MTCL1: variants seen among roughly 807,000 people sequenced by gnomAD.
MTCL1 encodes the protein microtubule cross-linking factor 1.
A neutral mutation model predicts 141.4 loss-of-function variants in MTCL1; 79 were observed. That is an observed-to-expected ratio of 0.56 (90% confidence interval 0.47 to 0.67). The LOEUF is 0.67. Among genes scored for constraint, MTCL1 ranks in the 30% least tolerant of loss-of-function variants. MTCL1 has a pLI of 0.00. For synonymous variants in MTCL1, 914 were observed against 875.8 expected, an observed-to-expected ratio of 1.04 and a Z score of -0.77; for missense variants, 2,177 against 2,113.9, an observed-to-expected ratio of 1.03 and a Z score of -0.59.
chr18:8,708,840 C>G (rs2148747977), intron 1 of MTCL1, among the ~76,000 whole-genome samples: 1 of 152,328 alleles, frequency 6.6e-6, no homozygotes, highest in South Asian at 2.1e-4. Flanking sequence ...GTGTCACTTG[C>G]ATCCGTTTAC....
exon 3 of MTCL1, chr18:8,718,488 T>C: frequency 6.2e-7 from 1 of 1,614,142 alleles, no homozygotes; most frequent in South Asian, 1.1e-5. Context: ...GAGGAAGATG[T>C]TTACCAGCTG....
chr18:8,824,351 T>C (rs1158153159), intron 14 of MTCL1, among the ~76,000 whole-genome samples: 1 of 152,218 alleles, frequency 6.6e-6, no homozygotes, highest in Non-Finnish European at 1.5e-5. Flanking sequence ...CCTTCAGCTG[T>C]GGTCCGAGTG....
intron 11 of MTCL1, among the ~76,000 whole-genome samples, chr18:8,807,417 G>T (rs899484268): frequency 2.6e-5 from 4 of 152,206 alleles, no homozygotes; most frequent in African/African-American, 9.6e-5. Flanking sequence ...GCAGACTGTG[G>T]TTTAGTTGTC....
chr18:8,779,676 C>T lies in MTCL1; in HGVS notation c.417+1784C>T, dbSNP rs2096526297. Among the ~76,000 whole-genome samples, 1 of 152,132 alleles carries T rather than the reference C, an allele frequency of 6.6e-6. No homozygotes were observed. The highest frequency in any genetic ancestry group is 6.5e-5 in the Admixed American group (1 of 15,282). On this transcript the variant is annotated intron_variant, in intron 5 of 16. Transcript: ENST00000359865. The surrounding 1 kb of genome is among the most constrained non-coding windows in gnomAD (Gnocchi z 4.1). ...GACTCCTTCATTTAATATACACTCT[C>T]CCATGGCTTCCAGGACAGTCTTTCT...
intron 14 of MTCL1, among the ~76,000 whole-genome samples, chr18:8,821,704 A>T (rs2076851713): frequency 6.6e-6 from 1 of 152,188 alleles, no homozygotes; most frequent in South Asian, 2.1e-4. Context: ...GCTGTGTCAC[A>T]TGTGTATGAG....
rs2076973628 is a variant in MTCL1 at position 8,825,088 on chromosome 18, TA to T, written c.3579del (p.Leu1193PhefsTer88). On this transcript the variant is annotated frameshift_variant, in exon 15 of 17. Coordinates refer to ENST00000359865, the Ensembl canonical transcript of MTCL1. LOFTEE classifies it high-confidence loss of function. ...ACCGAGCAGTCGGGGTTGCGCGTGT[TA>T]CACAGCCCGCCTGCCGTGCGCAGGG... The T allele has an allele frequency of 6.2e-7, 1 of 1,609,194 alleles. No individual in the cohort carries two copies. The highest frequency in any genetic ancestry group is 1.3e-5 in the African/African-American group (1 of 74,862).
At chr18:8,800,912 T>TTAA (rs1555665020) in intron 10 of MTCL1, 1 of 145,826 alleles carries the variant, frequency 6.9e-6, no homozygotes, top group African/African-American at 2.5e-5. Context: ...AACAACTAAG[T>TTAA]AAAAAAAAAA....
rs370219090 is a variant in MTCL1, at chr18:8,731,634, C to G, written c.357+11138C>G. Among the ~76,000 whole-genome samples the G allele has an allele frequency of 9.8e-5, 15 of 152,286 alleles. No homozygotes were observed. In the East Asian group the frequency reaches 1.5e-3, roughly 16 times the overall value. On this transcript the variant is annotated intron_variant, in intron 4 of 16. Coordinates refer to ENST00000359865, the Ensembl canonical transcript of MTCL1. ...CATATTTCTGAATAATTTAGACTTT[C>G]ACTAGGCAGTAAACTGCATCAAATT...
intron 11 of MTCL1, among the ~76,000 whole-genome samples, chr18:8,808,183 G>T (rs113475335): frequency 6.6e-6 from 1 of 152,158 alleles, no homozygotes; most frequent in Admixed American, 6.5e-5. Context: ...CCTGCCTGCT[G>T]CCCGCGGGGG....
At chr18:8,774,933 A>G (rs2096499898) in intron 4 of MTCL1, among the ~76,000 whole-genome samples, 1 of 152,096 alleles carries the variant, frequency 6.6e-6, no homozygotes, top group African/African-American at 2.4e-5. Context: ...TCAGGGCTAC[A>G]GTTGACAGCC....
At chr18:8,814,690 T>G (rs1161215245) in intron 12 of MTCL1, among the ~76,000 whole-genome samples, 1 of 152,186 alleles carries the variant, frequency 6.6e-6, no homozygotes, top group African/African-American at 2.4e-5. Context: ...TCTTGGCCCG[T>G]GCTCTAGGGC....
At chr18:8,756,519 G>A (rs1234726361) in intron 4 of MTCL1, among the ~76,000 whole-genome samples, 1,827 of 143,568 alleles carry the variant, frequency 0.013, 50 homozygotes, top group African/African-American at 0.051. Flanking sequence ...ATATATGTGT[G>A]TATATATGTG....
Position 8,830,052 on chromosome 18 carries a change from GATACACA to G in MTCL1, c.*18+1097_*18+1103del, listed in dbSNP as rs982928997. On this transcript the variant is annotated intron_variant, in intron 16 of 16. Transcript: ENST00000359865. This position sits in a 1 kb window ranked among gnomAD's most constrained non-coding sequence, Gnocchi z 6.4. ...ACCAACACACAACACACACAGAACAGATACACAATACACAACACACACACTACTTCTA... is the reference window on the plus strand; with the variant it reads ...ACCAACACACAACACACACAGAACAGATACACAACACACACACTACTTCTA... 12 of 985,288 alleles carry G rather than the reference GATACACA, an allele frequency of 1.2e-5. No homozygotes were observed. In the African/African-American group the frequency reaches 1.9e-4, roughly 16 times the overall value. The allele number at this position is 985,288 out of a possible 1,614,324, so 61.0% of individuals were successfully genotyped here. A position where few individuals can be genotyped will look rare whatever the true frequency, so the allele number is the denominator to read the frequency against.
At chr18:8,760,023 A>G (rs1277629348) in intron 4 of MTCL1, among the ~76,000 whole-genome samples, 3 of 152,190 alleles carry the variant, frequency 2.0e-5, no homozygotes, top group African/African-American at 7.2e-5. Flanking sequence ...CTGTATGAGA[A>G]GCGCTTAGAC....
intron 7 of MTCL1, chr18:8,786,818 G>A (rs1003121811): frequency 2.4e-5 from 4 of 169,938 alleles, no homozygotes; most frequent in Admixed American, 1.6e-4. Context: ...AGAATGCAAT[G>A]TCTTGCCATT....
upstream of MTCL1, among the ~76,000 whole-genome samples, chr18:8,713,512 G>A (rs1008123009): frequency 3.3e-5 from 5 of 152,180 alleles, no homozygotes; most frequent in African/African-American, 7.2e-5. Flanking sequence ...GGAGCATGCC[G>A]TCAGAAAATT....
At chr18:8,756,770 G>A (rs1268120382) in intron 4 of MTCL1, among the ~76,000 whole-genome samples, 1 of 152,210 alleles carries the variant, frequency 6.6e-6, no homozygotes, top group African/African-American at 2.4e-5. Flanking sequence ...CCAAACCGCA[G>A]GGTGCTTCAA....
At chr18:8,823,514 A>T (rs150524865) in intron 14 of MTCL1, among the ~76,000 whole-genome samples, 54 of 152,368 alleles carry the variant, frequency 3.5e-4, no homozygotes, top group Non-Finnish European at 6.9e-4. Context: ...AGGGAAATTC[A>T]TACTTGCTGG....
intron 4 of MTCL1, among the ~76,000 whole-genome samples, chr18:8,774,788 T>C (rs1337016593): frequency 6.6e-6 from 1 of 152,220 alleles, no homozygotes; most frequent in Non-Finnish European, 1.5e-5. Context: ...GCCCCTGGCC[T>C]CTGGTTAACT....
Sources: allele counts gnomAD v4.1 joint callset (sites outside exome capture counted in the v4.1 genomes callset), GRCh38; gene constraint gnomAD v4.1.1; non-coding constraint Gnocchi (gnomAD v3.1); transcripts MANE v1.5; gene names NCBI Gene and HGNC (gene_info 2026-07-23, HGNC 2026-07-21).